Variants in WDR26 observed in about 807,000 individuals in gnomAD.
WDR26 encodes the protein WD repeat-containing protein 26.
In WDR26, 5 loss-of-function variants were observed where a neutral mutation model predicts 84.1. The observed-to-expected ratio is 0.06, with a 90% CI of 0.03 to 0.13. The LOEUF (loss-of-function observed/expected upper bound fraction) is 0.13. WDR26 is among the 10% of genes least tolerant of loss of function. The probability of loss-of-function intolerance (pLI) is 1.00; values close to 1 mark genes in which losing one functional copy is unlikely to be tolerated. For missense variants in WDR26, 642 were observed against 974.9 expected (o/e 0.66, Z 4.55); for synonymous variants, 415 against 389.6 (o/e 1.07, Z -0.77).
Position 224,434,112 on chromosome 1 carries a change from G to A in WDR26, c.294C>T (p.Gly98=). The A allele has an allele frequency of 7.0e-7, 1 of 1,429,858 alleles. No individual in the cohort carries two copies. The allele number at this position is 1,429,858 out of a possible 1,614,324, so 88.6% of individuals were successfully genotyped here. ...CTGCCCCATTGGCCTGCATGATGCT[G>A]CCGCTGACCAGGCTGTGGCCGCTAC... The change falls in exon 1 of 14, where the codon GGC becomes GGT. Residue 98 remains glycine, a synonymous_variant. Transcript: ENST00000414423.
In WDR26 at chr1:224,434,041, C is replaced by G. The variant is rs1372393710; in HGVS notation, c.365G>C (p.Gly122Ala). ...CGGGGTCTGTCCCTGGCCCCCGCCG[C>G]CCCCTCCTCCTCCACCGCCGCCGCC... The change falls in exon 1 of 14, where the codon GGC becomes GCC. Residue 122 changes from glycine (G) to alanine (A), a missense_variant. By Grantham distance (60) the Gly-to-Ala change is moderately conservative. This residue lies in a region of WDR26 where 291 missense variants were observed against 302.1 expected (regional missense o/e 0.96). Transcript: ENST00000414423. 2 of 1,459,444 alleles carry G rather than the reference C, an allele frequency of 1.4e-6. No individual in the cohort carries two copies. The highest frequency in any genetic ancestry group is 1.8e-6 in the Non-Finnish European group (2 of 1,110,300). 90.4% of individuals were successfully genotyped at this position (1,459,444 alleles called of 1,614,324 possible). A position where few individuals can be genotyped will look rare whatever the true frequency, so the allele number is the denominator to read the frequency against.
At chr1:224,398,780 A>G (rs919573470) in intron 10 of WDR26, 109 bp downstream of exon 10, 46 of 1,391,030 alleles carry the variant, frequency 3.3e-5, no homozygotes, top group Admixed American at 6.5e-5. Flanking sequence ...AATCCAAATT[A>G]CCACGCAAAC....
chr1:224,409,200 A>C (rs1673664674), intron 7 of WDR26, among the ~76,000 whole-genome samples: 1 of 152,192 alleles, frequency 6.6e-6, no homozygotes, highest in African/African-American at 2.4e-5. Context: ...TATGCTCATC[A>C]CTACTTCAAA....
chr1:224,419,708 T>C, intron 4 of WDR26, 93 bp from the exon 5 acceptor site: 1 of 939,910 alleles, frequency 1.1e-6, no homozygotes, highest in East Asian at 2.5e-5. Flanking sequence ...TATCTGCTTC[T>C]TACTAATACA....
chr1:224,424,402 C>G, intron 4 of WDR26, 116 bp downstream of exon 4: 1 of 1,373,218 alleles, frequency 7.3e-7, no homozygotes, highest in South Asian at 1.4e-5. Flanking sequence ...AGTGAGTTTA[C>G]CTAGACAAAT....
chr1:224,411,608 A>G (rs766512273), intron 6 of WDR26, 43 bp from the exon 7 acceptor site: 2 of 1,508,522 alleles, frequency 1.3e-6, no homozygotes, highest in Non-Finnish European at 8.9e-7. Flanking sequence ...AAAACAGATT[A>G]GAGTAATAAT....
chr1:224,397,114 A>G (rs763110893), intron 12 of WDR26, among the ~76,000 whole-genome samples: 8 of 152,138 alleles, frequency 5.3e-5, no homozygotes, highest in Admixed American at 6.5e-5. Flanking sequence ...ACATAACATA[A>G]TCTAATTCCT....
At chr1:224,395,054 T>TA (rs1673223261) in intron 12 of WDR26, among the ~76,000 whole-genome samples, 1 of 152,152 alleles carries the variant, frequency 6.6e-6, no homozygotes, top group Non-Finnish European at 1.5e-5. Flanking sequence ...AGCCACATAG[T>TA]ATAGAGAGTA....
intron 6 of WDR26, among the ~76,000 whole-genome samples, chr1:224,414,068 T>C (rs12747286): frequency 0.18 from 27,843 of 151,702 alleles, 2,803 homozygotes; most frequent in Middle Eastern, 0.23. Flanking sequence ...CACTTTGGCC[T>C]CTCAAAGTGC....
At chr1:224,406,979 G>T (rs542090136) in intron 7 of WDR26, among the ~76,000 whole-genome samples, 1 of 150,138 alleles carries the variant, frequency 6.7e-6, no homozygotes, top group African/African-American at 2.5e-5. Context: ...AAAATTAGCC[G>T]GGTGTGGTGG....
chr1:224,427,297 G>T (rs1674258484), intron 3 of WDR26, among the ~76,000 whole-genome samples: 1 of 151,600 alleles, frequency 6.6e-6, no homozygotes, highest in African/African-American at 2.4e-5. Context: ...AAATTTCAGG[G>T]CAAGTTTTTT....
intron 12 of WDR26, among the ~76,000 whole-genome samples, chr1:224,394,389 A>G (rs1304105404): frequency 6.6e-6 from 1 of 152,242 alleles, no homozygotes; most frequent in African/African-American, 2.4e-5. Flanking sequence ...ACTGAAGCAA[A>G]AATGAAGATG....
intron 6 of WDR26, among the ~76,000 whole-genome samples, chr1:224,417,318 A>G (rs1673933906): frequency 6.6e-6 from 1 of 152,184 alleles, no homozygotes; most frequent in African/African-American, 2.4e-5. Flanking sequence ...GCTATTCTCT[A>G]TTCTCCTTTT....
chr1:224,414,094 G>A (rs989980382), intron 6 of WDR26, among the ~76,000 whole-genome samples: 1 of 150,976 alleles, frequency 6.6e-6, no homozygotes. Context: ...TTACAGGCGT[G>A]AGCCACCACG....
At chr1:224,433,625 C>A in intron 1 of WDR26, 59 bp downstream of exon 1, 2 of 1,309,756 alleles carry the variant, frequency 1.5e-6, no homozygotes, top group South Asian at 1.7e-5. Flanking sequence ...TTCCCCTACC[C>A]CCCTGGAGCC....
intron 8 of WDR26, among the ~76,000 whole-genome samples, chr1:224,401,817 G>A (rs1455108199): frequency 6.6e-6 from 1 of 151,542 alleles, no homozygotes; most frequent in African/African-American, 2.4e-5. Context: ...AAGGTAGAAA[G>A]AGAGAAAAAA....
intron 3 of WDR26, among the ~76,000 whole-genome samples, chr1:224,427,971 A>G (rs1026979587): frequency 6.6e-6 from 1 of 152,210 alleles, no homozygotes; most frequent in Non-Finnish European, 1.5e-5. Flanking sequence ...ACAAAAAAAG[A>G]TTAGGAAAAT....
chr1:224,400,483 T>C (rs142453464), intron 9 of WDR26, among the ~76,000 whole-genome samples: 4 of 152,226 alleles, frequency 2.6e-5, no homozygotes, highest in Admixed American at 2.0e-4. Context: ...CCCAGAAAAT[T>C]CTATTGGACA....
In WDR26 at chr1:224,433,883, T is replaced by C. The variant is rs1276526506; in HGVS notation, c.523A>G (p.Asn175Asp). 1.3e-6 allele frequency: 2 copies of C among 1,536,908 alleles called. No homozygotes were observed. Among genetic ancestry groups the C allele is most frequent in the Admixed American group, 3.9e-5 (2 of 50,992 alleles). ...CCGCCGGGAACCCCGTTATTGACAT[T>C]CAGGCTGTTGCTATTGTTGCTGGCG... The change falls in exon 1 of 14, where the codon AAT (asparagine) becomes GAT (aspartate). Residue 175 changes from asparagine (N) to aspartate (D), a missense_variant. Physicochemically the swap from Asn to Asp is conservative, Grantham distance 23. This residue lies in a region of WDR26 where 291 missense variants were observed against 302.1 expected (regional missense o/e 0.96). Coordinates refer to ENST00000414423, the MANE Select transcript of WDR26 (RefSeq NM_001379403.1).
Sources: allele counts gnomAD v4.1 joint callset (sites outside exome capture counted in the v4.1 genomes callset), GRCh38; gene constraint gnomAD v4.1.1; regional missense constraint gnomAD v4.1.1; transcripts MANE v1.5; gene names NCBI Gene and HGNC (gene_info 2026-07-23, HGNC 2026-07-21).